The following RBFOX1 variants were observed in gnomAD, a reference collection of about 807,000 sequenced individuals.
RBFOX1 encodes RNA binding protein fox-1 homolog 1.
In RBFOX1, 8 loss-of-function variants were observed where a neutral mutation model predicts 57.7. The ratio of observed to expected loss-of-function variants is 0.14; its 90% CI spans 0.08 to 0.25. The LOEUF is 0.25. Ranked by LOEUF, RBFOX1 falls within the 10% of genes least tolerant of loss-of-function variation. The pLI, the probability that RBFOX1 is intolerant of heterozygous loss-of-function variation, is 1.00. For missense variants in RBFOX1, 611 were observed against 548.5 expected, an observed-to-expected ratio of 1.11 and a Z score of -1.14; for synonymous variants, 326 against 222.4, an observed-to-expected ratio of 1.47 and a Z score of -4.15.
intron 4 of RBFOX1, among the ~76,000 whole-genome samples, chr16:5,976,864 G>T (rs1054418822): frequency 2.0e-5 from 3 of 152,126 alleles, no homozygotes; most frequent in Non-Finnish European, 2.9e-5. Flanking sequence ...GCAAGACTCT[G>T]TCAATCAATG....
chr16:6,098,671 T>A (rs1378108740), intron 1 of RBFOX1, among the ~76,000 whole-genome samples: 1 of 152,234 alleles, frequency 6.6e-6, no homozygotes, highest in Non-Finnish European at 1.5e-5. Context: ...TACATTCATT[T>A]CCACCAAAAA....
intron 3 of RBFOX1, among the ~76,000 whole-genome samples, chr16:6,992,837 CAAA>C (rs3048923): frequency 8.4e-6 from 1 of 118,566 alleles, no homozygotes. Flanking sequence ...CTTCCTTTTC[CAAA>C]AAAAAAAAAA....
intron 1 of RBFOX1, among the ~76,000 whole-genome samples, chr16:6,258,891 C>G (rs1005931925): frequency 1.3e-5 from 2 of 152,062 alleles, no homozygotes; most frequent in African/African-American, 4.8e-5. Flanking sequence ...ATACAGCTAT[C>G]TATCCACAAA....
intron 1 of RBFOX1, among the ~76,000 whole-genome samples, chr16:5,395,567 AATGT>A (rs1462646789): frequency 2.0e-5 from 3 of 152,126 alleles, no homozygotes; most frequent in Non-Finnish European, 4.4e-5. Context: ...ACTTACGTAT[AATGT>A]ATGTGGTGGA....
chr16:6,383,431 C>G (rs1281752579), intron 2 of RBFOX1, among the ~76,000 whole-genome samples: 2 of 152,090 alleles, frequency 1.3e-5, no homozygotes, highest in African/African-American at 2.4e-5. Context: ...TGCTTTCTTC[C>G]TTGGGTCAGG....
At chr16:6,041,583 C>T (rs1344882332) in intron 1 of RBFOX1, among the ~76,000 whole-genome samples, 5 of 152,094 alleles carry the variant, frequency 3.3e-5, no homozygotes, top group Admixed American at 6.5e-5. Context: ...TCCCTGAAGC[C>T]ACATACCTCA....
At chr16:7,304,544 C>A (rs539299470) in intron 4 of RBFOX1, 1 of 985,180 alleles carries the variant, frequency 1.0e-6, no homozygotes, top group South Asian at 4.7e-5. Flanking sequence ...GATGGGTCCC[C>A]GCGCGTACTG....
At chr16:6,418,238 T>G (rs1468189150) in intron 2 of RBFOX1, among the ~76,000 whole-genome samples, 1 of 152,224 alleles carries the variant, frequency 6.6e-6, no homozygotes, top group African/African-American at 2.4e-5. Context: ...CATGCCCATT[T>G]TAGCCAGTGA....
rs2065227391 is a variant in RBFOX1 at position 5,349,976 on chromosome 16, T to C, written c.219+109871T>C. On this transcript the variant is annotated intron_variant, in intron 1 of 2. Coordinates refer to the RBFOX1 transcript ENST00000585867. ...ACTCCTCTATAATTACCCAGGCTAA[T>C]TAAATAAATTGATCTGCTGATGTAC... Among the ~76,000 whole-genome samples the C allele has an allele frequency of 2.0e-5, 3 of 152,242 alleles. No homozygotes were observed. The South Asian group carries it at 6.2e-4, about 32-fold the overall frequency.
At chr16:5,861,095 A>C (rs2057201896) in intron 3 of RBFOX1, among the ~76,000 whole-genome samples, 1 of 152,202 alleles carries the variant, frequency 6.6e-6, no homozygotes, top group African/African-American at 2.4e-5. Context: ...ATGGAGTCAC[A>C]CTGCCAGCAT....
intron 3 of RBFOX1, among the ~76,000 whole-genome samples, chr16:6,694,389 C>T (rs980200813): frequency 6.6e-6 from 1 of 152,090 alleles, no homozygotes; most frequent in African/African-American, 2.4e-5. Context: ...CATCCAAATT[C>T]CACTATAAAC....
intron 4 of RBFOX1, among the ~76,000 whole-genome samples, chr16:7,237,898 G>C (rs954997999): frequency 4.6e-5 from 7 of 152,196 alleles, no homozygotes; most frequent in African/African-American, 1.4e-4. Context: ...CAGCTACTCA[G>C]GAGGCTGAAG....
At chr16:6,300,406 A>T (rs961525694) in intron 1 of RBFOX1, among the ~76,000 whole-genome samples, 5 of 152,214 alleles carry the variant, frequency 3.3e-5, no homozygotes, top group African/African-American at 1.2e-4. Flanking sequence ...ACATATTTCA[A>T]AACATCATGT....
chr16:6,841,741 C>A (rs1237950192), intron 3 of RBFOX1, among the ~76,000 whole-genome samples: 1 of 152,122 alleles, frequency 6.6e-6, no homozygotes, highest in Non-Finnish European at 1.5e-5. Context: ...TGTGGTCCCA[C>A]CTCTACTTAA....
At chr16:7,660,844 C>T (rs556425663) in intron 12 of RBFOX1, among the ~76,000 whole-genome samples, 1 of 152,296 alleles carries the variant, frequency 6.6e-6, no homozygotes, top group East Asian at 1.9e-4. Context: ...CAAGTTTGAC[C>T]ACCACTGCCT....
At chr16:5,514,230 T>C (rs370032896) in intron 2 of RBFOX1, among the ~76,000 whole-genome samples, 45 of 152,322 alleles carry the variant, frequency 3.0e-4, no homozygotes, top group African/African-American at 1.1e-3. Context: ...GAGGGTCTAC[T>C]GTTGGCTGAC....
intron 1 of RBFOX1, among the ~76,000 whole-genome samples, chr16:5,442,731 A>G (rs2068121863): frequency 6.6e-6 from 1 of 152,110 alleles, no homozygotes; most frequent in Non-Finnish European, 1.5e-5. Context: ...TATGTTTTCC[A>G]TTTAATCTGT....
intron 1 of RBFOX1, among the ~76,000 whole-genome samples, chr16:6,173,269 T>G (rs1416446516): frequency 6.6e-6 from 1 of 152,134 alleles, no homozygotes; most frequent in Non-Finnish European, 1.5e-5. Context: ...ACACCCAGAA[T>G]AGTGCTTGAC....
chr16:7,354,018 C>T (rs373244466), intron 4 of RBFOX1, among the ~76,000 whole-genome samples: 1 of 152,082 alleles, frequency 6.6e-6, no homozygotes, highest in East Asian at 1.9e-4. Flanking sequence ...GTCACTCAGG[C>T]TGGAGTGCAG....
Sources: allele counts gnomAD v4.1 joint callset (sites outside exome capture counted in the v4.1 genomes callset), GRCh38; gene constraint gnomAD v4.1.1; transcripts MANE v1.5; gene names NCBI Gene and HGNC (gene_info 2026-07-23, HGNC 2026-07-21).